BNIP2: variants seen among roughly 807,000 people sequenced by gnomAD.
BNIP2 encodes BCL2/adenovirus E1B 19 kDa protein-interacting protein 2.
In BNIP2, 36 loss-of-function variants were observed where a neutral mutation model predicts 43.4. The observed-to-expected ratio is 0.83, with a 90% CI of 0.64 to 1.10. BNIP2 has a LOEUF of 1.10. BNIP2 is among the 50% of genes least tolerant of loss of function. BNIP2 has a pLI of 0.00. For missense variants in BNIP2, 417 were observed against 374.1 expected, an observed-to-expected ratio of 1.11 and a Z score of -0.95; for synonymous variants, 146 against 121.0, an observed-to-expected ratio of 1.21 and a Z score of -1.35.
At chr15:59,665,399 C>T (rs1425528696) in intron 9 of BNIP2, 6 of 153,278 alleles carry the variant, frequency 3.9e-5, no homozygotes, top group African/African-American at 1.2e-4. Flanking sequence ...ACTGCTTGAC[C>T]AGGAGTTTGA....
intron 4 of BNIP2, chr15:59,678,591 T>C: frequency 8.9e-7 from 1 of 1,121,704 alleles, no homozygotes; most frequent in Non-Finnish European, 1.1e-6. Context: ...GAAATGTATT[T>C]ATAATACTTT....
At chr15:59,668,757 TACACAC>T in intron 9 of BNIP2, 129 bp downstream of exon 9, 2 of 587,918 alleles carry the variant, frequency 3.4e-6, no homozygotes, top group African/African-American at 1.9e-5. Flanking sequence ...TTTTCTTTGT[TACACAC>T]ACACACACAC....
At chr15:59,676,740 G>A (rs1046293189) in intron 5 of BNIP2, 17 of 1,311,098 alleles carry the variant, frequency 1.3e-5, no homozygotes, top group African/African-American at 1.0e-4. Context: ...CGGTGCGGGC[G>A]GCAGAGTTGG....
Position 59,679,647 on chromosome 15 carries a change from A to G in BNIP2, c.240T>C (p.Ile80=). The G allele has an allele frequency of 1.2e-6, 2 of 1,613,252 alleles. No homozygotes were observed. The highest frequency in any genetic ancestry group is 2.2e-5 in the South Asian group (2 of 91,002). ...LSDDLDESGE[I]DLDGLDTPSE... is the part of the protein sequence containing the mutation. ...ACGGTGTGTCTAAGCCATCTAAGTC[A>G]ATCTCCCCACTTTCATCCAAATCAT... Residue 80 remains isoleucine, a synonymous_variant, in exon 4 of 10, where the codon ATT becomes ATC. Transcript: ENST00000607373.
Position 59,678,070 on chromosome 15 carries a change from T to C in BNIP2, c.313A>G (p.Lys105Glu). Residue 105 changes from lysine to glutamate, a missense_variant, in exon 5 of 10, where the codon AAG becomes GAG. By Grantham distance (56) the Lys-to-Glu change is moderately conservative. Coordinates refer to ENST00000607373, the MANE Select transcript of BNIP2 (RefSeq NM_004330.4). ...CCTTTCCTAATTACTTCAGTAGTCT[T>C]GGGTTTTGGAAGATCATCTGTCAAA... ...FEWEDDLPKP[K>E]TTEVIRKGSI... The C allele has an allele frequency of 6.2e-7, 1 of 1,603,436 alleles. No homozygotes were observed. Among genetic ancestry groups the C allele is most frequent in the Non-Finnish European group, 8.5e-7 (1 of 1,177,318 alleles).
At chr15:59,665,641 T>C (rs1892527195) in intron 9 of BNIP2, among the ~76,000 whole-genome samples, 1 of 152,010 alleles carries the variant, frequency 6.6e-6, no homozygotes, top group Admixed American at 6.6e-5. Context: ...ATCAAAAAGC[T>C]TATTTATTTA....
At chr15:59,683,100 T>C (rs1893796847) in intron 1 of BNIP2, among the ~76,000 whole-genome samples, 1 of 152,254 alleles carries the variant, frequency 6.6e-6, no homozygotes, top group Middle Eastern at 3.2e-3. Flanking sequence ...ATCTATACTA[T>C]GCCCTTCTCA....
At chr15:59,682,803 C>A (rs1893773206) in intron 1 of BNIP2, among the ~76,000 whole-genome samples, 1 of 152,012 alleles carries the variant, frequency 6.6e-6, no homozygotes, top group African/African-American at 2.4e-5. Context: ...AAATATATTT[C>A]ATACTATGGA....
chr15:59,680,323 C>A lies in BNIP2; in HGVS notation c.51-15G>T. The A allele has an allele frequency of 1.3e-6, 2 of 1,577,632 alleles. No homozygotes were observed. The highest frequency in any genetic ancestry group is 1.7e-6 in the Non-Finnish European group (2 of 1,159,604). On this transcript the variant is annotated splice_polypyrimidine_tract_variant and intron_variant, in intron 2 of 9. Coordinates refer to ENST00000607373, the MANE Select transcript of BNIP2 (RefSeq NM_004330.4). The stretch of plus-strand genomic sequence containing the variant: ...CTGGTAAAGGTCTAGAAGACACAGG[C>A]ATACTTTTTAATCCAGAAATTAAGA...
chr15:59,672,786 A>C, intron 5 of BNIP2, 47 bp from the exon 6 acceptor site: 7 of 1,409,876 alleles, frequency 5.0e-6, no homozygotes, highest in African/African-American at 1.4e-5. Flanking sequence ...TTTTACTCTT[A>C]GGCATTTTTA....
chr15:59,659,372 G>C lies in BNIP2; in HGVS notation c.*4697C>G, dbSNP rs1892130765. The C allele has an allele frequency of 6.6e-6, 1 of 152,172 alleles. No individual in the cohort carries two copies. The highest frequency in any genetic ancestry group is 2.4e-5 in the African/African-American group (1 of 41,440). 9.4% of individuals were successfully genotyped at this position (152,172 alleles called of 1,614,324 possible). Reference sequence around the variant, plus strand: ...TCGGCTGGGCAACATCATCTTAAGAGTAGGAAAATATCACAGTACATTAAT... The same window carrying C: ...TCGGCTGGGCAACATCATCTTAAGACTAGGAAAATATCACAGTACATTAAT... On this transcript the variant is annotated 3_prime_UTR_variant, in exon 10 of 10. Coordinates refer to ENST00000607373, the MANE Select transcript of BNIP2 (RefSeq NM_004330.4).
At chr15:59,668,793 T>A in intron 9 of BNIP2, 99 bp downstream of exon 9, 1 of 1,113,714 alleles carries the variant, frequency 9.0e-7, no homozygotes, top group Non-Finnish European at 1.3e-6. Context: ...CGCACAGTTA[T>A]AAAATATAAT....
chr15:59,683,908 G>A (rs940077666), intron 1 of BNIP2, among the ~76,000 whole-genome samples: 3 of 152,122 alleles, frequency 2.0e-5, no homozygotes, highest in Non-Finnish European at 4.4e-5. Flanking sequence ...TACTATCTGT[G>A]ACTTTAAAAG....
chr15:59,677,036 T>C, intron 5 of BNIP2: 2 of 1,611,952 alleles, frequency 1.2e-6, no homozygotes, highest in Non-Finnish European at 1.7e-6. Context: ...TAATCATTGA[T>C]TCCCTTGGCA....
At chr15:59,686,221 G>A (rs183802526) in intron 1 of BNIP2, among the ~76,000 whole-genome samples, 392 of 152,288 alleles carry the variant, frequency 2.6e-3, no homozygotes, top group Non-Finnish European at 2.4e-3. Flanking sequence ...GCTTTCCCCA[G>A]GCAGTTTAGC....
intron 9 of BNIP2, among the ~76,000 whole-genome samples, chr15:59,665,133 A>T (rs1011767592): frequency 7.3e-5 from 11 of 151,372 alleles, no homozygotes; most frequent in Admixed American, 2.6e-4. Context: ...GTGTGGTGGT[A>T]CGCGTCTGTA....
intron 9 of BNIP2, among the ~76,000 whole-genome samples, chr15:59,666,228 T>G (rs1595686671): frequency 6.6e-6 from 1 of 152,166 alleles, no homozygotes; most frequent in African/African-American, 2.4e-5. Flanking sequence ...CACAAGCCCC[T>G]CAAGAAAATG....
intron 5 of BNIP2, chr15:59,677,015 C>A: frequency 1.9e-6 from 3 of 1,612,418 alleles, no homozygotes; most frequent in Non-Finnish European, 2.5e-6. Context: ...GAAGATTGAT[C>A]AGGAGACTGT....
At chr15:59,688,253 C>A (rs988389846) in intron 1 of BNIP2, among the ~76,000 whole-genome samples, 3 of 152,160 alleles carry the variant, frequency 2.0e-5, no homozygotes, top group Non-Finnish European at 4.4e-5. Context: ...TCAGTTGTAA[C>A]TTTGAGGAAA....
Sources: allele counts gnomAD v4.1 joint callset (sites outside exome capture counted in the v4.1 genomes callset), GRCh38; gene constraint gnomAD v4.1.1; transcripts MANE v1.5; gene names NCBI Gene and HGNC (gene_info 2026-07-23, HGNC 2026-07-21).